Variants in EPRS1 observed in about 807,000 individuals in gnomAD.
EPRS1 encodes bifunctional glutamate/proline--tRNA ligase.
EPRS1 carries 107 observed loss-of-function variants against 188.3 expected under a neutral mutation model. The observed-to-expected ratio is 0.57, with a 90% CI of 0.49 to 0.67. The LOEUF (loss-of-function observed/expected upper bound fraction) is 0.67. Ranked by LOEUF, EPRS1 falls within the 30% of genes least tolerant of loss-of-function variation. The probability of loss-of-function intolerance (pLI) is 0.00; values close to 1 mark genes in which losing one functional copy is unlikely to be tolerated. For synonymous variants in EPRS1, 596 were observed against 593.1 expected, an observed-to-expected ratio of 1.00 and a Z score of -0.07; for missense variants, 1,577 against 1,802.2, an observed-to-expected ratio of 0.88 and a Z score of 2.26.
rs1247408898 is a variant in EPRS1, at chr1:220,030,450, A to G, written c.559T>C (p.Phe187Leu). Residue 187 changes from phenylalanine to leucine, a missense_variant, in exon 6 of 32, where the codon TTT (phenylalanine) becomes CTT (leucine). Transcript: ENST00000366923. ...ATCTCCGCACCTGGAAGCTCAACAA[A>G]TTTCCCAACATCTTGCTTTTTCTCA... ...APEKKQDVGK[F>L]VELPGAEMGK... 3.7e-6 allele frequency: 6 copies of G among 1,614,074 alleles called. No homozygotes were observed. The highest frequency in any genetic ancestry group is 5.1e-6 in the Non-Finnish European group (6 of 1,179,976).
intron 2 of EPRS1, among the ~76,000 whole-genome samples, chr1:220,035,446 C>T (rs1055320115): frequency 2.6e-5 from 4 of 152,146 alleles, no homozygotes; most frequent in African/African-American, 9.7e-5. Context: ...GCCACCACGC[C>T]CAGTCTGCTA....
intron 19 of EPRS1, among the ~76,000 whole-genome samples, chr1:219,987,952 TC>T (rs1183494324): frequency 1.3e-5 from 2 of 152,200 alleles, no homozygotes; most frequent in African/African-American, 4.8e-5. Flanking sequence ...TGCAGAAAGT[TC>T]TACTAGAAAG....
chr1:219,987,076 TA>T (rs1233897898), intron 20 of EPRS1, 65 bp downstream of exon 20: 51 of 1,529,052 alleles, frequency 3.3e-5, no homozygotes, highest in Non-Finnish European at 4.2e-5. Flanking sequence ...AAATTTGTTT[TA>T]AAAACTATTA....
intron 1 of EPRS1, among the ~76,000 whole-genome samples, chr1:220,045,598 A>C (rs1168990803): frequency 6.6e-6 from 1 of 152,338 alleles, no homozygotes; most frequent in South Asian, 2.1e-4. Context: ...ATCTACCAAC[A>C]ATAATCTTGG....
At chr1:220,033,286 ACGACG>A (rs1662118552) in intron 4 of EPRS1, among the ~76,000 whole-genome samples, 2 of 52,570 alleles carry the variant, frequency 3.8e-5, no homozygotes, top group Admixed American at 2.5e-4. Flanking sequence ...TGTGAGACAG[ACGACG>A]GGACGGCAGA....
chr1:220,024,938 A>T, intron 7 of EPRS1, 194 bp downstream of exon 7: 1 of 559,230 alleles, frequency 1.8e-6, no homozygotes, highest in Non-Finnish European at 3.2e-6. Context: ...AACTGGGGAA[A>T]GGAAAAATAA....
intron 2 of EPRS1, among the ~76,000 whole-genome samples, chr1:220,036,024 AC>A (rs1230792283): frequency 6.6e-6 from 1 of 152,022 alleles, no homozygotes. Flanking sequence ...ACATGGTGAA[AC>A]CCCGTCTCTT....
chr1:219,982,893 G>A (rs1179945016), intron 22 of EPRS1, 49 bp from the exon 23 acceptor site: 1 of 1,517,672 alleles, frequency 6.6e-7, no homozygotes, highest in Non-Finnish European at 9.2e-7. Flanking sequence ...TAGCATTTTG[G>A]AGCAACAGTA....
intron 26 of EPRS1, 111 bp downstream of exon 26, chr1:219,979,974 T>C (rs1369377713): frequency 4.6e-6 from 4 of 866,678 alleles, no homozygotes; most frequent in African/African-American, 4.8e-5. Context: ...CGAAAGTACA[T>C]GAAACACTTA....
chr1:220,034,287 C>G (rs1662136876), intron 3 of EPRS1, among the ~76,000 whole-genome samples: 1 of 151,970 alleles, frequency 6.6e-6, no homozygotes, highest in Non-Finnish European at 1.5e-5. Context: ...TTGTAACTTG[C>G]CAGTATAGGT....
intron 13 of EPRS1, among the ~76,000 whole-genome samples, chr1:220,008,473 C>T (rs1052460002): frequency 5.3e-5 from 8 of 151,442 alleles, no homozygotes; most frequent in African/African-American, 1.9e-4. Context: ...GTTCAATGAA[C>T]TCACCAATGC....
intron 23 of EPRS1, among the ~76,000 whole-genome samples, chr1:219,982,011 A>C (rs1246449317): frequency 6.6e-6 from 1 of 152,252 alleles, no homozygotes; most frequent in East Asian, 1.9e-4. Flanking sequence ...TACCTGTCTT[A>C]GAATAGCCTG....
chr1:220,036,258 GTA>G (rs1393568129), intron 2 of EPRS1, among the ~76,000 whole-genome samples: 2 of 152,124 alleles, frequency 1.3e-5, no homozygotes, highest in African/African-American at 4.8e-5. Context: ...TCAAACCACT[GTA>G]AAAAGCAGTA....
intron 15 of EPRS1, 120 bp from the exon 16 acceptor site, chr1:220,005,480 GTTCACTAC>G (rs1661441132): frequency 2.1e-5 from 11 of 531,792 alleles, no homozygotes; most frequent in Non-Finnish European, 3.3e-5. Context: ...ATGTTAAAAA[GTTCACTAC>G]TTGAGGACAC....
intron 13 of EPRS1, among the ~76,000 whole-genome samples, chr1:220,008,839 T>C (rs1614585): frequency 0.86 from 131,384 of 152,078 alleles, 57,184 homozygotes; most frequent in African/African-American, 0.97. Context: ...TAATGCCTGG[T>C]TAATTTTTTT....
Position 219,968,942 on chromosome 1 carries a change from T to TC in EPRS1, c.4402dup (p.Glu1468GlyfsTer10). 6.2e-7 allele frequency: 1 copy of TC among 1,614,150 alleles called. No individual in the cohort carries two copies. The highest frequency in any genetic ancestry group is 8.5e-7 in the Non-Finnish European group (1 of 1,179,992). Reference sequence around the variant, plus strand: ...AGCTCCCATGGATGGAGCACCAGGTTCAAGATCTTGATCCCTGAAATTAAT... The same window carrying TC: ...AGCTCCCATGGATGGAGCACCAGGTTCCAAGATCTTGATCCCTGAAATTAAT... On this transcript the variant is annotated frameshift_variant, in exon 32 of 32. Transcript: ENST00000366923. LOFTEE classifies it high-confidence loss of function.
chr1:219,979,695 C>T (rs1295963866), intron 26 of EPRS1, 80 bp from the exon 27 acceptor site: 1 of 944,440 alleles, frequency 1.1e-6, no homozygotes, highest in Non-Finnish European at 1.6e-6. Context: ...AGATCACATG[C>T]TTTAAAATGG....
intron 1 of EPRS1, among the ~76,000 whole-genome samples, chr1:220,041,638 C>T (rs965028474): frequency 2.4e-4 from 36 of 152,044 alleles, no homozygotes; most frequent in African/African-American, 7.5e-4. Context: ...GTCGGGAGTT[C>T]GAGACCAGCC....
intron 1 of EPRS1, among the ~76,000 whole-genome samples, chr1:220,044,603 C>T (rs1571703915): frequency 6.9e-6 from 1 of 145,946 alleles, no homozygotes; most frequent in Non-Finnish European, 1.5e-5. Flanking sequence ...GTGCGCACCT[C>T]TAAGCGCAAC....
Sources: allele counts gnomAD v4.1 joint callset (sites outside exome capture counted in the v4.1 genomes callset), GRCh38; gene constraint gnomAD v4.1.1; transcripts MANE v1.5; gene names NCBI Gene and HGNC (gene_info 2026-07-23, HGNC 2026-07-21).